Variants in KAZN observed in about 807,000 individuals in gnomAD.
The protein encoded by KAZN is kazrin.
KAZN carries 40 observed loss-of-function variants against 87.4 expected under a neutral mutation model. That is an observed-to-expected ratio of 0.46 (90% CI 0.36 to 0.60). The LOEUF is 0.60. Ranked by LOEUF, KAZN falls within the 20% of genes least tolerant of loss-of-function variation. The pLI, the probability that KAZN is intolerant of heterozygous loss-of-function variation, is 0.00. For synonymous variants in KAZN, 466 were observed against 458.3 expected (o/e 1.02, Z -0.22); for missense variants, 898 against 1,073.9 (o/e 0.84, Z 2.29).
intron 1 of KAZN, among the ~76,000 whole-genome samples, chr1:13,998,019 A>G (rs1315243478): frequency 2.0e-5 from 3 of 152,246 alleles, no homozygotes; most frequent in Non-Finnish European, 4.4e-5. Context: ...TTAGACTAAC[A>G]GCAGACCTTT....
intron 1 of KAZN, among the ~76,000 whole-genome samples, chr1:14,885,079 G>C (rs1201363353): frequency 6.6e-6 from 1 of 152,192 alleles, no homozygotes; most frequent in African/African-American, 2.4e-5. Flanking sequence ...GTATCAAGCA[G>C]TTAGAGAAGT....
At chr1:14,450,941 C>T (rs957966312) in intron 2 of KAZN, among the ~76,000 whole-genome samples, 4 of 151,868 alleles carry the variant, frequency 2.6e-5, no homozygotes, top group African/African-American at 9.7e-5. Flanking sequence ...GTGCTGTCCT[C>T]CCGATAGTGA....
At chr1:14,919,955 A>G (rs1188116839) in intron 1 of KAZN, among the ~76,000 whole-genome samples, 1 of 152,096 alleles carries the variant, frequency 6.6e-6, no homozygotes, top group Non-Finnish European at 1.5e-5. Flanking sequence ...TGATTGCACA[A>G]TGACAAAATT....
chr1:14,240,317 C>T (rs1029893372), intron 2 of KAZN, among the ~76,000 whole-genome samples: 23 of 152,238 alleles, frequency 1.5e-4, no homozygotes, highest in African/African-American at 3.6e-4. Context: ...CCTGTGCCCA[C>T]GCGACACCTC....
At chr1:14,488,261 G>A (rs973152046) in intron 2 of KAZN, among the ~76,000 whole-genome samples, 1 of 152,142 alleles carries the variant, frequency 6.6e-6, no homozygotes, top group Non-Finnish European at 1.5e-5. Context: ...CACTTGCTTG[G>A]AGGAGAGGCT....
At chr1:14,843,402 A>G (rs978746740) in intron 1 of KAZN, among the ~76,000 whole-genome samples, 5 of 152,220 alleles carry the variant, frequency 3.3e-5, no homozygotes, top group Non-Finnish European at 7.3e-5. Flanking sequence ...GGAGTCTGCC[A>G]TGGGAAGAAG....
rs11584412 is a variant in KAZN, at chr1:15,021,539, C to G, written c.419-13210C>G. 0.01 allele frequency among the ~76,000 whole-genome samples: 1,562 copies of G among 152,294 alleles called. 24 individuals are homozygous for G. The highest frequency in any genetic ancestry group is 0.035 in the African/African-American group (1,469 of 41,564). On this transcript the variant is annotated intron_variant, in intron 2 of 14. Coordinates refer to ENST00000376030, the MANE Select transcript of KAZN (RefSeq NM_201628.3). This position sits in a 1 kb window ranked among gnomAD's most constrained non-coding sequence, Gnocchi z 4.2. ...TGGTATACCTTGGCCTCCTGTCTCC[C>G]TCGGGGAGGAGCAGGCAGTGGGGGC...
chr1:14,591,179 C>CA (rs1270537752), intron 2 of KAZN, among the ~76,000 whole-genome samples: 1 of 151,966 alleles, frequency 6.6e-6, no homozygotes, highest in Non-Finnish European at 1.5e-5. Flanking sequence ...GTGCCCCCCC[C>CA]CCATGGACAC....
chr1:14,470,017 T>A (rs1668369720), intron 2 of KAZN, among the ~76,000 whole-genome samples: 1 of 152,110 alleles, frequency 6.6e-6, no homozygotes. Context: ...AGTAAGTGAG[T>A]CTGGGTGGTG....
At chr1:14,515,755 T>TC (rs1156901521) in intron 2 of KAZN, among the ~76,000 whole-genome samples, 1 of 152,068 alleles carries the variant, frequency 6.6e-6, no homozygotes, top group Non-Finnish European at 1.5e-5. Context: ...ACCAAAGGGC[T>TC]CTCCCTTCCA....
intron 2 of KAZN, among the ~76,000 whole-genome samples, chr1:14,395,294 T>C (rs1400995567): frequency 1.3e-5 from 2 of 152,250 alleles, no homozygotes; most frequent in East Asian, 1.9e-4. Context: ...TCACTGTTTA[T>C]TGTTATTTTA....
At position 13,930,963 on chromosome 1, in the gene KAZN, C is replaced by G. The variant is rs189526760; in HGVS notation, c.91+37207C>G. On this transcript the variant is annotated intron_variant, in intron 1 of 16. Transcript: ENST00000636203. ...CCCCATGGCCTTGTGGGTCCTGGCT[C>G]TATACCTCCAGTGTCTTACCTACCA... is the stretch of plus-strand genomic sequence containing the variant. Among the ~76,000 whole-genome samples the G allele has an allele frequency of 4.8e-3, 729 of 152,302 alleles. 4 individuals carry two copies. The highest frequency in any genetic ancestry group is 7.2e-3 in the Non-Finnish European group (487 of 68,026).
chr1:14,362,137 G>A (rs1483636928), intron 2 of KAZN, among the ~76,000 whole-genome samples: 1 of 152,120 alleles, frequency 6.6e-6, no homozygotes, highest in Non-Finnish European at 1.5e-5. Context: ...CGTCTCTGTG[G>A]GTCTGCTGTC....
At chr1:14,876,171 T>C (rs1652747668) in intron 1 of KAZN, among the ~76,000 whole-genome samples, 1 of 152,172 alleles carries the variant, frequency 6.6e-6, no homozygotes, top group African/African-American at 2.4e-5. Context: ...TGAGAAACAA[T>C]AGATGAGGTG....
At chr1:14,419,384 G>A (rs1665158015) in intron 2 of KAZN, among the ~76,000 whole-genome samples, 1 of 152,114 alleles carries the variant, frequency 6.6e-6, no homozygotes, top group Non-Finnish European at 1.5e-5. Context: ...TCATTGCCTG[G>A]GAAGCCACCA....
intron 2 of KAZN, among the ~76,000 whole-genome samples, chr1:14,181,216 G>A (rs1646190918): frequency 1.3e-5 from 2 of 152,216 alleles, no homozygotes; most frequent in Non-Finnish European, 2.9e-5. Flanking sequence ...AGAATTGATA[G>A]TTTTCTGTGT....
At chr1:15,106,150 G>C (rs977755751) in intron 13 of KAZN, among the ~76,000 whole-genome samples, 1 of 152,040 alleles carries the variant, frequency 6.6e-6, no homozygotes, top group African/African-American at 2.4e-5. Context: ...AGGTGGTGGA[G>C]TGCACCATAT....
intron 2 of KAZN, among the ~76,000 whole-genome samples, chr1:14,505,467 C>T (rs1356825876): frequency 6.6e-6 from 1 of 152,036 alleles, no homozygotes; most frequent in Non-Finnish European, 1.5e-5. Flanking sequence ...ATTGAATGCT[C>T]GAAAGTTCAC....
chr1:13,909,361 G>C (rs1290495457), intron 1 of KAZN, among the ~76,000 whole-genome samples: 2 of 152,150 alleles, frequency 1.3e-5, no homozygotes, highest in African/African-American at 2.4e-5. Context: ...CCTACGAAAG[G>C]CTGTGTTTTT....
Sources: allele counts gnomAD v4.1 joint callset (sites outside exome capture counted in the v4.1 genomes callset), GRCh38; gene constraint gnomAD v4.1.1; non-coding constraint Gnocchi (gnomAD v3.1); transcripts MANE v1.5; gene names NCBI Gene and HGNC (gene_info 2026-07-23, HGNC 2026-07-21).